The following NAB1 variants were observed in gnomAD, a reference collection of about 807,000 sequenced individuals.
NAB1 encodes NGFI-A-binding protein 1.
NAB1 carries 25 observed loss-of-function variants against 49.9 expected under a neutral mutation model. The observed-to-expected ratio is 0.50, with a 90% CI of 0.37 to 0.70. The LOEUF (loss-of-function observed/expected upper bound fraction) is 0.70, where lower values mean the gene tolerates loss of function less well. Among genes scored for constraint, NAB1 ranks in the 30% least tolerant of loss-of-function variants. The pLI, the probability that NAB1 is intolerant of heterozygous loss-of-function variation, is 0.00. For synonymous variants in NAB1, 198 were observed against 215.6 expected, an observed-to-expected ratio of 0.92 and a Z score of 0.71; for missense variants, 489 against 575.9, an observed-to-expected ratio of 0.85 and a Z score of 1.54.
At chr2:190,660,504 T>C (rs1694167301) in intron 4 of NAB1, among the ~76,000 whole-genome samples, 1 of 152,234 alleles carries the variant, frequency 6.6e-6, no homozygotes, top group Non-Finnish European at 1.5e-5. Flanking sequence ...ATTTTTATTT[T>C]ATCTTTATAG....
chr2:190,660,943 A>ATTT (rs35775676), intron 4 of NAB1, among the ~76,000 whole-genome samples: 28 of 144,840 alleles, frequency 1.9e-4, no homozygotes, highest in East Asian at 4.0e-4. Context: ...GTCATAGCTA[A>ATTT]TTTTTTTTTT....
intron 6 of NAB1, among the ~76,000 whole-genome samples, chr2:190,673,570 G>A (rs12622264): frequency 0.19 from 28,527 of 152,062 alleles, 3,198 homozygotes; most frequent in East Asian, 0.36. Flanking sequence ...ATTTGCAATC[G>A]GTGTTTCTTA....
intron 9 of NAB1, 33 bp from the exon 10 acceptor site, chr2:190,690,212 A>T: frequency 6.9e-7 from 1 of 1,449,122 alleles, no homozygotes; most frequent in Non-Finnish European, 9.7e-7. Flanking sequence ...ATTGATTAAA[A>T]TATCAACTCA....
rs533977764 is a variant in NAB1 at position 190,674,567 on chromosome 2, T to C, written c.1005+1415T>C. Among the ~76,000 whole-genome samples the C allele has an allele frequency of 3.3e-5, 5 of 152,336 alleles. No individual in the cohort carries two copies. The highest frequency in any genetic ancestry group is 7.3e-5 in the Non-Finnish European group (5 of 68,030). ...CCCCATTAGATGAGAATAGGTCTCT[T>C]ATCTGTGAATCTGCTGCTGTATACT... On this transcript the variant is annotated intron_variant, in intron 6 of 9. Transcript: ENST00000337386. The surrounding 1 kb of genome is among the most constrained non-coding windows in gnomAD (Gnocchi z 5.7).
At position 190,685,805 on chromosome 2, in the gene NAB1, A is replaced by G; in HGVS notation, c.1258+167A>G. On this transcript the variant is annotated intron_variant, in intron 8 of 9. Coordinates refer to ENST00000337386, the MANE Select transcript of NAB1 (RefSeq NM_005966.4). This position sits in a 1 kb window ranked among gnomAD's most constrained non-coding sequence, Gnocchi z 4.5. ...CTTCATTTTTCTAAAAAGATAATTT[A>G]TCCTGCAAATTTTAATTTGTAAATT... 1.7e-6 allele frequency: 1 copy of G among 594,482 alleles called. No individual in the cohort carries two copies. Among genetic ancestry groups the G allele is most frequent in the Non-Finnish European group, 2.5e-6 (1 of 396,216 alleles). 36.8% of individuals were successfully genotyped at this position (594,482 alleles called of 1,614,324 possible).
chr2:190,670,415 G>C lies in NAB1; in HGVS notation c.909G>C (p.Gln303His), dbSNP rs750910054. The C allele has an allele frequency of 1.9e-6, 3 of 1,614,016 alleles. No individual in the cohort carries two copies. The East Asian group carries it at 6.7e-5, about 36-fold the overall frequency. The stretch of plus-strand genomic sequence containing the variant: ...ATGAGCTTTTTGCCTTGGCTCGACA[G>C]ATTTCTCGAGAAGTCACCTATAAAT... ...RRDELFALAR[Q>H]ISREVTYKYT... Residue 303 changes from glutamine to histidine, a missense_variant, in exon 5 of 10, where the codon CAG becomes CAC. Gln to His is a conservative substitution (Grantham distance 24, BLOSUM62 0). This residue lies in a region of NAB1 where 38 missense variants were observed against 70.1 expected (regional missense o/e 0.54). Coordinates refer to ENST00000337386, the MANE Select transcript of NAB1 (RefSeq NM_005966.4). The surrounding 1 kb of genome is among the most constrained non-coding windows in gnomAD (Gnocchi z 5.3).
At chr2:190,658,760 AAAGT>A (rs1694062733) in intron 3 of NAB1, among the ~76,000 whole-genome samples, 1 of 152,238 alleles carries the variant, frequency 6.6e-6, no homozygotes, top group African/African-American at 2.4e-5. Flanking sequence ...TGCCTGGCAC[AAAGT>A]AAGTATTCAG....
At chr2:190,668,223 C>T (rs1396143464) in intron 4 of NAB1, among the ~76,000 whole-genome samples, 1 of 151,834 alleles carries the variant, frequency 6.6e-6, no homozygotes, top group Middle Eastern at 3.4e-3. Context: ...TTTAGTATAC[C>T]CTGTGACCTA....
Position 190,679,941 on chromosome 2 carries a change from G to T in NAB1, c.1006-3797G>T, listed in dbSNP as rs1157122110. Among the ~76,000 whole-genome samples, 3 of 152,256 alleles carry T rather than the reference G, an allele frequency of 2.0e-5. No homozygotes were observed. In the East Asian group the frequency reaches 5.8e-4, roughly 29 times the overall value. ...TTACCTGGCTTATCTACACACGGAG[G>T]TCTCACTAGCAAATGAGCTCAACCG... On this transcript the variant is annotated intron_variant, in intron 6 of 9. Transcript: ENST00000337386. The surrounding 1 kb of genome is among the most constrained non-coding windows in gnomAD (Gnocchi z 5.3).
chr2:190,672,435 G>A (rs1426217530), intron 5 of NAB1, among the ~76,000 whole-genome samples: 1 of 152,038 alleles, frequency 6.6e-6, no homozygotes, highest in Non-Finnish European at 1.5e-5. Context: ...ACCATTGATG[G>A]AGCATCATTT....
chr2:190,655,872 A>T (rs1325897284), intron 2 of NAB1, 105 bp from the exon 3 acceptor site: 1 of 152,378 alleles, frequency 6.6e-6, no homozygotes, highest in Admixed American at 6.5e-5. Context: ...TTTTGGAACA[A>T]ATGATTACCG....
Position 190,659,007 on chromosome 2 carries a change from A to G in NAB1, c.-19-151A>G, listed in dbSNP as rs1285024231. 8.6e-6 allele frequency: 5 copies of G among 582,588 alleles called. No homozygotes were observed. Among genetic ancestry groups the G allele is most frequent in the Non-Finnish European group, 1.5e-5 (5 of 333,908 alleles). The allele number at this position is 582,588 out of a possible 1,614,324, so 36.1% of individuals were successfully genotyped here. On this transcript the variant is annotated intron_variant, in intron 3 of 9. Coordinates refer to ENST00000337386, the MANE Select transcript of NAB1 (RefSeq NM_005966.4). This position sits in a 1 kb window ranked among gnomAD's most constrained non-coding sequence, Gnocchi z 6.2. Reference sequence around the variant, plus strand: ...AAGGTTTTTAGGAGTTCAGAATGAGATAAAGTATGTAGAGAGAATGCTGCC... The same window carrying G: ...AAGGTTTTTAGGAGTTCAGAATGAGGTAAAGTATGTAGAGAGAATGCTGCC...
At chr2:190,688,922 T>C (rs1330528575) in intron 9 of NAB1, among the ~76,000 whole-genome samples, 1 of 151,762 alleles carries the variant, frequency 6.6e-6, no homozygotes, top group Non-Finnish European at 1.5e-5. Context: ...TCACTCCAGC[T>C]CCTCCTCCCG....
chr2:190,661,101 A>G (rs901020663), intron 4 of NAB1, among the ~76,000 whole-genome samples: 2 of 152,066 alleles, frequency 1.3e-5, no homozygotes, highest in Non-Finnish European at 2.9e-5. Context: ...TTAATTTTTT[A>G]AGTTTTTCAT....
In NAB1 at chr2:190,652,075, A is replaced by G. The variant is rs1693697595; in HGVS notation, c.-197+2093A>G. Among the ~76,000 whole-genome samples, 1 of 152,222 alleles carries G rather than the reference A, an allele frequency of 6.6e-6. No individual in the cohort carries two copies. The highest frequency in any genetic ancestry group is 1.5e-5 in the Non-Finnish European group (1 of 68,046). On this transcript the variant is annotated intron_variant, in intron 2 of 9. Coordinates refer to ENST00000337386, the MANE Select transcript of NAB1 (RefSeq NM_005966.4). This position sits in a 1 kb window ranked among gnomAD's most constrained non-coding sequence, Gnocchi z 4.2. ...TGACATGTTCAATAACTCATACAACAGTAGAATATACTCCTTAAACTTAAT... is the reference window on the plus strand; with the variant it reads ...TGACATGTTCAATAACTCATACAACGGTAGAATATACTCCTTAAACTTAAT...
chr2:190,673,081 T>TG lies in NAB1; in HGVS notation c.954-20_954-19insG. On this transcript the variant is annotated intron_variant, in intron 5 of 9. Coordinates refer to ENST00000337386, the MANE Select transcript of NAB1 (RefSeq NM_005966.4). ...TACTTTCTCAAGTTTTTTTTTTTTT[T>TG]TCTCTCCCCTTTCCCTTAGGTCAAA... The TG allele has an allele frequency of 5.0e-6, 8 of 1,596,310 alleles. No homozygotes were observed. The highest frequency in any genetic ancestry group is 4.3e-6 in the Non-Finnish European group (5 of 1,174,928).
chr2:190,685,255 A>G lies in NAB1; in HGVS notation c.1096-221A>G, dbSNP rs1460857341. ...ACATGGAATTCTCTTGAAAGAATTG[A>G]GAAGAAAGCTTTTATCTTTTGTACA... On this transcript the variant is annotated intron_variant, in intron 7 of 9. Transcript: ENST00000337386. The surrounding 1 kb of genome is among the most constrained non-coding windows in gnomAD (Gnocchi z 4.5). 6.6e-6 allele frequency among the ~76,000 whole-genome samples: 1 copy of G among 152,246 alleles called. No individual in the cohort carries two copies. Among genetic ancestry groups the G allele is most frequent in the Non-Finnish European group, 1.5e-5 (1 of 68,048 alleles).
At chr2:190,662,302 T>C (rs1694266173) in intron 4 of NAB1, among the ~76,000 whole-genome samples, 1 of 152,116 alleles carries the variant, frequency 6.6e-6, no homozygotes, top group South Asian at 2.1e-4. Context: ...AAGAAGAAAA[T>C]ATTTGTTTAT....
intron 5 of NAB1, among the ~76,000 whole-genome samples, chr2:190,671,002 A>C (rs1341997359): frequency 6.6e-6 from 1 of 152,216 alleles, no homozygotes; most frequent in African/African-American, 2.4e-5. Flanking sequence ...TGGTTTCAAA[A>C]TTTAATGTAA....
Sources: allele counts gnomAD v4.1 joint callset (sites outside exome capture counted in the v4.1 genomes callset), GRCh38; gene constraint gnomAD v4.1.1; regional missense constraint gnomAD v4.1.1; non-coding constraint Gnocchi (gnomAD v3.1); transcripts MANE v1.5; gene names NCBI Gene and HGNC (gene_info 2026-07-23, HGNC 2026-07-21).